Variants in TEC observed in about 807,000 individuals in gnomAD.
The protein encoded by TEC is tec protein tyrosine kinase, also known as tyrosine-protein kinase Tec.
A neutral mutation model predicts 93.0 loss-of-function variants in TEC; 72 were observed. The observed-to-expected ratio is 0.77, with a 90% CI of 0.64 to 0.94. TEC has a LOEUF of 0.94. Ranked by LOEUF, TEC falls within the 40% of genes least tolerant of loss-of-function variation. The pLI, the probability that TEC is intolerant of heterozygous loss-of-function variation, is 0.00. For missense variants in TEC, 630 were observed against 757.9 expected (o/e 0.83, Z 1.98); for synonymous variants, 249 against 247.7 (o/e 1.01, Z -0.05).
intron 1 of TEC, among the ~76,000 whole-genome samples, chr4:48,260,849 G>A (rs1483016923): frequency 6.6e-6 from 1 of 152,152 alleles, no homozygotes; most frequent in Admixed American, 6.5e-5. Flanking sequence ...AAAGTCAGCT[G>A]GTAATAGAGA....
intron 1 of TEC, among the ~76,000 whole-genome samples, chr4:48,245,536 C>T (rs1724031981): frequency 6.6e-6 from 1 of 152,216 alleles, no homozygotes; most frequent in Non-Finnish European, 1.5e-5. Flanking sequence ...AGTTACCTGG[C>T]ACATAGATGC....
At chr4:48,225,950 G>T (rs1723446933) in intron 2 of TEC, among the ~76,000 whole-genome samples, 1 of 152,092 alleles carries the variant, frequency 6.6e-6, no homozygotes, top group Non-Finnish European at 1.5e-5. Flanking sequence ...GGTGGATTCT[G>T]CCAGGAAGTG....
At chr4:48,227,734 C>A (rs1384489643) in intron 2 of TEC, among the ~76,000 whole-genome samples, 2 of 151,934 alleles carry the variant, frequency 1.3e-5, no homozygotes, top group African/African-American at 4.8e-5. Context: ...GGCAACCCAG[C>A]CCCTGGTCAT....
At chr4:48,260,287 T>C (rs552588921) in intron 1 of TEC, among the ~76,000 whole-genome samples, 1 of 152,322 alleles carries the variant, frequency 6.6e-6, no homozygotes, top group East Asian at 1.9e-4. Flanking sequence ...AACTGATGAA[T>C]AAAAGCTAGA....
At chr4:48,186,474 G>C (rs1407909890) in intron 2 of TEC, among the ~76,000 whole-genome samples, 5 of 149,034 alleles carry the variant, frequency 3.4e-5, no homozygotes, top group Non-Finnish European at 7.4e-5. Context: ...CCGCCGCCCC[G>C]TCTGGGATGT....
intron 2 of TEC, among the ~76,000 whole-genome samples, chr4:48,195,530 G>T (rs929273008): frequency 6.6e-6 from 1 of 152,140 alleles, no homozygotes; most frequent in African/African-American, 2.4e-5. Context: ...ACAACTGCTC[G>T]TACAGGTCGT....
At chr4:48,204,008 G>C (rs1002495336) in intron 2 of TEC, among the ~76,000 whole-genome samples, 1 of 152,190 alleles carries the variant, frequency 6.6e-6, no homozygotes, top group Non-Finnish European at 1.5e-5. Flanking sequence ...TAAGCAGACA[G>C]GATCTCCTTC....
intron 1 of TEC, among the ~76,000 whole-genome samples, chr4:48,246,896 G>A (rs1400450339): frequency 6.6e-6 from 1 of 151,538 alleles, no homozygotes; most frequent in Non-Finnish European, 1.5e-5. Context: ...AGAAAAATAG[G>A]TAAGTAGGAC....
chr4:48,168,995 A>C (rs1720991869), intron 5 of TEC, among the ~76,000 whole-genome samples: 1 of 152,220 alleles, frequency 6.6e-6, no homozygotes. Flanking sequence ...TACAGTCCAC[A>C]GTCCTAGAGT....
At chr4:48,149,992 T>C (rs940106826) in intron 10 of TEC, among the ~76,000 whole-genome samples, 1 of 152,234 alleles carries the variant, frequency 6.6e-6, no homozygotes, top group Non-Finnish European at 1.5e-5. Flanking sequence ...CTGCTTTTTG[T>C]TCCTGCTGTT....
intron 2 of TEC, among the ~76,000 whole-genome samples, chr4:48,197,815 A>G (rs902304518): frequency 2.6e-5 from 4 of 152,196 alleles, no homozygotes; most frequent in Non-Finnish European, 5.9e-5. Context: ...GTTCCACACC[A>G]CACCCAAATG....
chr4:48,254,931 G>A (rs1213200078), intron 1 of TEC, among the ~76,000 whole-genome samples: 2 of 151,850 alleles, frequency 1.3e-5, no homozygotes, highest in Non-Finnish European at 2.9e-5. Flanking sequence ...CTACAGGGAT[G>A]AGAGGCCTGC....
intron 1 of TEC, among the ~76,000 whole-genome samples, chr4:48,265,969 G>A (rs1724630278): frequency 1.3e-5 from 2 of 152,106 alleles, no homozygotes; most frequent in Non-Finnish European, 2.9e-5. Context: ...ATAAACTTCA[G>A]GGAGGACCCA....
At chr4:48,170,227 T>C (rs755393406) in intron 5 of TEC, 21 bp downstream of exon 5, 1 of 1,554,876 alleles carries the variant, frequency 6.4e-7, no homozygotes, top group Non-Finnish European at 8.8e-7. Context: ...AATATAATTA[T>C]GGAATAAAAT....
intron 2 of TEC, among the ~76,000 whole-genome samples, chr4:48,192,920 C>CCA (rs1410191842): frequency 1.3e-5 from 2 of 152,198 alleles, no homozygotes; most frequent in Admixed American, 1.3e-4. Flanking sequence ...ATAAAGGTCA[C>CCA]CAACTGGAAG....
At chr4:48,172,340 A>G (rs950242850) in intron 3 of TEC, among the ~76,000 whole-genome samples, 6 of 152,184 alleles carry the variant, frequency 3.9e-5, no homozygotes, top group African/African-American at 1.2e-4. Context: ...CACCCACTGG[A>G]TTGAAAACCA....
intron 2 of TEC, among the ~76,000 whole-genome samples, chr4:48,196,012 G>A (rs1288544668): frequency 6.6e-6 from 1 of 152,140 alleles, no homozygotes; most frequent in Non-Finnish European, 1.5e-5. Context: ...CCCTTCTGGT[G>A]GTACAGAGAT....
At chr4:48,232,629 A>G (rs1005486820) in intron 1 of TEC, among the ~76,000 whole-genome samples, 6 of 152,226 alleles carry the variant, frequency 3.9e-5, no homozygotes, top group Non-Finnish European at 5.9e-5. Flanking sequence ...AAGTCTCCTC[A>G]TGTAGACTTC....
rs766858560 is a variant in TEC, at chr4:48,170,380, T to C, written c.326-4A>G. 7.4e-7 allele frequency: 1 copy of C among 1,359,002 alleles called. No individual in the cohort carries two copies. 84.2% of individuals were successfully genotyped at this position (1,359,002 alleles called of 1,614,324 possible). ...ATATTATTGTTGTTCTTTATTTCTG[T>C]AATTCACAGATATAGTAATTAATAG... On this transcript the variant is annotated splice_region_variant and splice_polypyrimidine_tract_variant and intron_variant, in intron 4 of 17. Coordinates refer to ENST00000381501, the MANE Select transcript of TEC (RefSeq NM_003215.3).
Sources: allele counts gnomAD v4.1 joint callset (sites outside exome capture counted in the v4.1 genomes callset), GRCh38; gene constraint gnomAD v4.1.1; transcripts MANE v1.5; gene names NCBI Gene and HGNC (gene_info 2026-07-23, HGNC 2026-07-21).